The following ST7 variants were observed in gnomAD, a reference collection of about 807,000 sequenced individuals.
The protein encoded by ST7 is suppression of tumorigenicity 7.
In ST7, 28 loss-of-function variants were observed where a neutral mutation model predicts 78.7. The ratio of observed to expected loss-of-function variants is 0.36; its 90% CI spans 0.26 to 0.49. The LOEUF (loss-of-function observed/expected upper bound fraction) is 0.49, where lower values mean the gene tolerates loss of function less well. Ranked by LOEUF, ST7 falls within the 20% of genes least tolerant of loss-of-function variation. ST7 has a pLI of 0.99. For missense variants in ST7, 418 were observed against 696.0 expected (o/e 0.60, Z 4.49); for synonymous variants, 247 against 249.6 (o/e 0.99, Z 0.10).
chr7:117,152,176 A>AATATATATAT (rs1563124468), intron 9 of ST7, among the ~76,000 whole-genome samples: 2 of 60,852 alleles, frequency 3.3e-5, no homozygotes, highest in Admixed American at 2.1e-4. Context: ...ATATATAAAA[A>AATATATATAT]CTATATATAT....
At chr7:117,143,168 G>A (rs1805469765) in intron 9 of ST7, among the ~76,000 whole-genome samples, 1 of 152,110 alleles carries the variant, frequency 6.6e-6, no homozygotes, top group African/African-American at 2.4e-5. Context: ...CGAGATCATT[G>A]TTTGCTTCAT....
At position 116,982,119 on chromosome 7, in the gene ST7, G is replaced by A. The variant is rs186320340; in HGVS notation, c.151+28428G>A. 1.3e-3 allele frequency among the ~76,000 whole-genome samples: 195 copies of A among 152,330 alleles called. 2 individuals carry two copies. The Middle Eastern group carries it at 0.014, about 11-fold the overall frequency. ...GGTATATAATCTTGCACTGTTTAAC[G>A]TGGTCTGTCATTGACAGATATGTTG... On this transcript the variant is annotated intron_variant, in intron 1 of 15. Coordinates refer to ENST00000323984, the MANE Select transcript of ST7 (RefSeq NM_001369598.1).
At chr7:116,982,930 C>T (rs970780476) in intron 1 of ST7, among the ~76,000 whole-genome samples, 4 of 152,108 alleles carry the variant, frequency 2.6e-5, no homozygotes, top group African/African-American at 9.7e-5. Flanking sequence ...TGGAGTTTCA[C>T]TCTTGTTGCC....
chr7:117,159,190 A>G (rs1806935816), intron 9 of ST7, among the ~76,000 whole-genome samples: 1 of 152,366 alleles, frequency 6.6e-6, no homozygotes, highest in East Asian at 1.9e-4. Context: ...AATTATGTCC[A>G]TAGAGTATTT....
intron 9 of ST7, among the ~76,000 whole-genome samples, chr7:117,144,433 G>T (rs1182498128): frequency 6.6e-6 from 1 of 150,538 alleles, no homozygotes; most frequent in Non-Finnish European, 1.5e-5. Context: ...TTGGACACTA[G>T]CCTGGGCAGC....
intron 13 of ST7, among the ~76,000 whole-genome samples, chr7:117,211,779 T>G (rs1239253695): frequency 6.6e-6 from 1 of 152,102 alleles, no homozygotes; most frequent in African/African-American, 2.4e-5. Context: ...AGTGGGGAGA[T>G]GATCTGATCA....
chr7:117,185,944 T>C (rs898763179), intron 10 of ST7, among the ~76,000 whole-genome samples: 7 of 151,830 alleles, frequency 4.6e-5, no homozygotes, highest in Non-Finnish European at 1.0e-4. Flanking sequence ...AAAATAAAAA[T>C]AATAAATAAA....
intron 1 of ST7, among the ~76,000 whole-genome samples, chr7:117,027,735 T>C (rs952636429): frequency 6.6e-6 from 1 of 151,976 alleles, no homozygotes; most frequent in African/African-American, 2.4e-5. Context: ...ATGAATGATA[T>C]AAAATAAACA....
At chr7:117,119,971 C>G (rs1803231923) in intron 3 of ST7, among the ~76,000 whole-genome samples, 1 of 151,602 alleles carries the variant, frequency 6.6e-6, no homozygotes, top group South Asian at 2.1e-4. Context: ...CTCTGTCACC[C>G]AGGCTGGAGT....
At chr7:117,138,694 A>G (rs1236925324) in intron 9 of ST7, among the ~76,000 whole-genome samples, 162 bp downstream of exon 9, 1 of 152,124 alleles carries the variant, frequency 6.6e-6, no homozygotes, top group Non-Finnish European at 1.5e-5. Context: ...TGAATGATGT[A>G]TGTTGGGCAA....
At chr7:117,188,964 A>G (rs1809530684) in intron 10 of ST7, among the ~76,000 whole-genome samples, 1 of 152,172 alleles carries the variant, frequency 6.6e-6, no homozygotes, top group South Asian at 2.1e-4. Flanking sequence ...TAAGTGACAA[A>G]GACACTTTCA....
intron 9 of ST7, among the ~76,000 whole-genome samples, chr7:117,148,643 C>T (rs1462439771): frequency 1.3e-5 from 2 of 152,188 alleles, no homozygotes; most frequent in East Asian, 1.9e-4. Flanking sequence ...ATTCCCAACT[C>T]ACTAAGATCC....
intron 12 of ST7, among the ~76,000 whole-genome samples, chr7:117,196,319 C>G (rs866815785): frequency 1.1e-4 from 16 of 152,298 alleles, no homozygotes; most frequent in Middle Eastern, 6.8e-3. Context: ...AGTGGTGATT[C>G]TATTTTTGAT....
intron 1 of ST7, among the ~76,000 whole-genome samples, chr7:117,047,791 C>T (rs776855246): frequency 2.0e-5 from 3 of 152,080 alleles, no homozygotes; most frequent in Non-Finnish European, 2.9e-5. Flanking sequence ...GTTGAGAAAT[C>T]GAATGCAGAA....
rs183092005 is a variant in ST7, at chr7:117,088,069, C to T, written c.152-11693C>T. Among the ~76,000 whole-genome samples the T allele has an allele frequency of 1.5e-3, 221 of 152,306 alleles. 2 individuals carry two copies. The highest frequency in any genetic ancestry group is 2.5e-3 in the Non-Finnish European group (172 of 68,034). ...ATCCGCCCTGTTTTCCAATCCAATT[C>T]CTTTATGTATGCTGTGATATCTACC... On this transcript the variant is annotated intron_variant, in intron 1 of 15. Coordinates refer to ENST00000323984, the MANE Select transcript of ST7 (RefSeq NM_001369598.1).
chr7:117,190,794 G>A lies in ST7; in HGVS notation c.1152-40G>A. The A allele has an allele frequency of 6.4e-7, 1 of 1,565,330 alleles. No homozygotes were observed. Among genetic ancestry groups the A allele is most frequent in the Admixed American group, 1.7e-5 (1 of 59,822 alleles). ...ATGCTTCCGGGTTGATGCCCAAGCA[G>A]TGGTCCCACCTGGATGGTTTTTGTC... On this transcript the variant is annotated intron_variant, in intron 11 of 15. Transcript: ENST00000323984. This position sits in a 1 kb window ranked among gnomAD's most constrained non-coding sequence, Gnocchi z 5.2.
chr7:117,080,330 C>T (rs138277753), intron 1 of ST7, among the ~76,000 whole-genome samples: 219 of 152,196 alleles, frequency 1.4e-3, no homozygotes, highest in African/African-American at 4.6e-3. Flanking sequence ...CAAAAGATGT[C>T]AAACTACACA....
intron 1 of ST7, among the ~76,000 whole-genome samples, chr7:117,007,323 C>G (rs1016068233): frequency 6.6e-6 from 1 of 152,130 alleles, no homozygotes; most frequent in Non-Finnish European, 1.5e-5. Context: ...GATAGAAAAT[C>G]AAACCAGCCA....
chr7:117,050,744 C>T (rs1243587033), intron 1 of ST7, among the ~76,000 whole-genome samples: 1 of 152,172 alleles, frequency 6.6e-6, no homozygotes, highest in South Asian at 2.1e-4. Flanking sequence ...CCCTGGCCAA[C>T]GTGGTGAAAC....
Sources: allele counts gnomAD v4.1 joint callset (sites outside exome capture counted in the v4.1 genomes callset), GRCh38; gene constraint gnomAD v4.1.1; non-coding constraint Gnocchi (gnomAD v3.1); transcripts MANE v1.5; gene names NCBI Gene and HGNC (gene_info 2026-07-23, HGNC 2026-07-21).